Variants in FARS2 observed in about 807,000 individuals in gnomAD.
FARS2 encodes phenylalanine--tRNA ligase, mitochondrial.
In FARS2, 40 loss-of-function variants were observed where a neutral mutation model predicts 46.4. The ratio of observed to expected loss-of-function variants is 0.86; its 90% CI spans 0.67 to 1.12. FARS2 has a LOEUF of 1.12. Ranked by LOEUF, FARS2 falls within the 50% of genes most tolerant of loss-of-function variation. FARS2 has a pLI of 0.00. For synonymous variants in FARS2, 234 were observed against 214.9 expected (o/e 1.09, Z -0.78); for missense variants, 513 against 567.9 (o/e 0.90, Z 0.98).
intron 6 of FARS2, among the ~76,000 whole-genome samples, chr6:5,671,290 G>GT (rs1778443828): frequency 6.6e-6 from 1 of 152,206 alleles, no homozygotes; most frequent in Non-Finnish European, 1.5e-5. Flanking sequence ...AGAGCATGAC[G>GT]TAAGAGTTAC....
At chr6:5,681,013 C>T (rs4140654) in intron 6 of FARS2, among the ~76,000 whole-genome samples, 61,967 of 151,992 alleles carry the variant, frequency 0.41, 13,162 homozygotes, top group East Asian at 0.68. Context: ...GTGACATAAT[C>T]GCCCTCATAG....
chr6:5,575,660 A>G (rs1772917264), intron 5 of FARS2, among the ~76,000 whole-genome samples: 1 of 152,132 alleles, frequency 6.6e-6, no homozygotes, highest in South Asian at 2.1e-4. Flanking sequence ...ATTCAATACA[A>G]TTTTATACAT....
intron 6 of FARS2, among the ~76,000 whole-genome samples, chr6:5,617,384 G>T (rs374136362): frequency 6.6e-6 from 1 of 152,352 alleles, no homozygotes; most frequent in East Asian, 1.9e-4. Context: ...GCTGCCAAGG[G>T]CATGTGTCCC....
At chr6:5,276,158 A>G (rs555276069) in intron 1 of FARS2, among the ~76,000 whole-genome samples, 4 of 152,160 alleles carry the variant, frequency 2.6e-5, no homozygotes, top group African/African-American at 9.7e-5. Context: ...TTTAAAATAA[A>G]TTTTTTAGTT....
intron 6 of FARS2, among the ~76,000 whole-genome samples, chr6:5,719,320 T>TGTG (rs1759719174): frequency 1.4e-5 from 2 of 145,120 alleles, no homozygotes; most frequent in Middle Eastern, 3.4e-3. Context: ...TGGTCAAGGC[T>TGTG]ACAGTGAGCT....
chr6:5,375,076 C>G (rs1295755158), intron 2 of FARS2, among the ~76,000 whole-genome samples: 2 of 151,966 alleles, frequency 1.3e-5, no homozygotes, highest in African/African-American at 4.8e-5. Flanking sequence ...TAAATTCTAG[C>G]TTATGCAGTA....
At chr6:5,707,389 C>T (rs1561812760) in intron 6 of FARS2, among the ~76,000 whole-genome samples, 2 of 152,218 alleles carry the variant, frequency 1.3e-5, no homozygotes, top group Non-Finnish European at 2.9e-5. Context: ...GGTGCTAGTT[C>T]AGGCTTCCCC....
chr6:5,282,936 A>G (rs572774510), intron 1 of FARS2, among the ~76,000 whole-genome samples: 33 of 152,298 alleles, frequency 2.2e-4, no homozygotes, highest in African/African-American at 7.2e-4. Flanking sequence ...CTTGCAATGC[A>G]TATAGTATAA....
intron 5 of FARS2, among the ~76,000 whole-genome samples, chr6:5,595,889 G>A (rs1347994263): frequency 6.6e-6 from 1 of 152,192 alleles, no homozygotes; most frequent in Non-Finnish European, 1.5e-5. Flanking sequence ...CTAGCAAGTA[G>A]CAGAGCTGAG....
intron 4 of FARS2, among the ~76,000 whole-genome samples, chr6:5,500,387 G>A (rs1294382507): frequency 1.3e-5 from 2 of 152,172 alleles, no homozygotes; most frequent in Admixed American, 6.5e-5. Context: ...TGGTTCTGTC[G>A]AAGCAGAATG....
upstream of FARS2, chr6:5,261,281 C>T (rs1235635650): frequency 6.5e-6 from 1 of 152,874 alleles, no homozygotes; most frequent in Non-Finnish European, 1.5e-5. Flanking sequence ...GACGCCCCGC[C>T]CCTGACCGCC....
intron 4 of FARS2, among the ~76,000 whole-genome samples, chr6:5,526,014 A>G (rs926310286): frequency 2.0e-5 from 3 of 152,268 alleles, no homozygotes; most frequent in Non-Finnish European, 1.5e-5. Flanking sequence ...TTTCTGCAGC[A>G]GTGAAACTAC....
rs764897456 is a variant in FARS2, at chr6:5,359,029, C to CTTTTTTTTTT, written c.-21-9521_-21-9520insTTTTTTTTTT. On this transcript the variant is annotated intron_variant, in intron 1 of 6. Transcript: ENST00000274680. ...TCGAATTATAGTGATGAAAAGATAC[C>CTTTTTTTTTT]CTTTTTTTTTTTTTTTTTTTTTTTT... 1.2e-3 allele frequency among the ~76,000 whole-genome samples: 84 copies of CTTTTTTTTTT among 72,534 alleles called. 30 individuals carry two copies. Among genetic ancestry groups the CTTTTTTTTTT allele is most frequent in the African/African-American group, 3.0e-3 (66 of 22,058 alleles). The allele number at this position is 72,534 out of a possible 152,430, so 47.6% of individuals were successfully genotyped here.
chr6:5,509,070 C>T (rs1053794730), intron 4 of FARS2, among the ~76,000 whole-genome samples: 2 of 152,340 alleles, frequency 1.3e-5, no homozygotes, highest in Admixed American at 1.3e-4. Flanking sequence ...ATGCGTGTGG[C>T]TGTGTTTGCC....
chr6:5,729,960 C>G (rs1035382962), intron 6 of FARS2, among the ~76,000 whole-genome samples: 1 of 152,184 alleles, frequency 6.6e-6, no homozygotes, highest in African/African-American at 2.4e-5. Context: ...ATGCCAGGAG[C>G]AGCCCCCTGA....
intron 3 of FARS2, among the ~76,000 whole-genome samples, chr6:5,406,609 GT>G (rs897302992): frequency 7.2e-5 from 11 of 152,102 alleles, no homozygotes; most frequent in African/African-American, 2.7e-4. Context: ...GTGTATATGA[GT>G]AGTTGATTCC....
At chr6:5,509,437 T>A (rs1206435661) in intron 4 of FARS2, among the ~76,000 whole-genome samples, 3 of 152,216 alleles carry the variant, frequency 2.0e-5, no homozygotes, top group Admixed American at 1.3e-4. Context: ...CAAAGAAATC[T>A]CGTGAGCACA....
chr6:5,575,148 A>C (rs1427774465), intron 5 of FARS2, among the ~76,000 whole-genome samples: 1 of 152,206 alleles, frequency 6.6e-6, no homozygotes, highest in Admixed American at 6.5e-5. Flanking sequence ...CTTCAGCACT[A>C]TGCTTGGAAG....
chr6:5,441,574 G>A (rs1377199689), intron 4 of FARS2, among the ~76,000 whole-genome samples: 2 of 152,316 alleles, frequency 1.3e-5, no homozygotes, highest in Non-Finnish European at 2.9e-5. Context: ...GTTGTCATAA[G>A]TAGAGTTTTA....
Sources: allele counts gnomAD v4.1 joint callset (sites outside exome capture counted in the v4.1 genomes callset), GRCh38; gene constraint gnomAD v4.1.1; transcripts MANE v1.5; gene names NCBI Gene and HGNC (gene_info 2026-07-23, HGNC 2026-07-21).